FAM120A: variants seen among roughly 807,000 people sequenced by gnomAD.
FAM120A encodes the protein family with sequence similarity 120 member A, also known as constitutive coactivator of PPAR-gamma-like protein 1.
Under a neutral mutation model 109.7 loss-of-function variants are expected in FAM120A, and 15 were observed. The ratio of observed to expected loss-of-function variants is 0.14; its 90% CI spans 0.09 to 0.21. The LOEUF (loss-of-function observed/expected upper bound fraction) is 0.21. Among genes scored for constraint, FAM120A ranks in the 10% least tolerant of loss-of-function variants. The probability of loss-of-function intolerance (pLI) is 1.00; values close to 1 mark genes in which losing one functional copy is unlikely to be tolerated. For synonymous variants in FAM120A, 493 were observed against 572.8 expected (o/e 0.86, Z 1.99); for missense variants, 899 against 1,439.3 (o/e 0.62, Z 6.07).
chr9:93,562,339 T>C (rs764059739), intron 17 of FAM120A, 35 bp downstream of exon 17: 1 of 1,526,974 alleles, frequency 6.5e-7, no homozygotes, highest in South Asian at 1.1e-5. Context: ...GCCAGTTCAA[T>C]GCCCTCAGGG....
chr9:93,512,665 A>G (rs1297637836), intron 5 of FAM120A, among the ~76,000 whole-genome samples: 4 of 152,178 alleles, frequency 2.6e-5, no homozygotes, highest in Non-Finnish European at 5.9e-5. Flanking sequence ...TGTAGAGAGG[A>G]CACACAGTGG....
At position 93,516,287 on chromosome 9, in the gene FAM120A, C is replaced by T. The variant is rs756618195; in HGVS notation, c.1418+18C>T. ...GCGACAAAGTGAGTGGTGCGTGGGT[C>T]GCTGGGTGCTTCCTGGCGGGTAGTG... On this transcript the variant is annotated intron_variant, in intron 7 of 17. Transcript: ENST00000277165. The T allele has an allele frequency of 1.9e-5, 30 of 1,601,112 alleles. No homozygotes were observed. Among genetic ancestry groups the T allele is most frequent in the East Asian group, 4.5e-5 (2 of 44,660 alleles).
chr9:93,532,061 C>G lies in FAM120A; in HGVS notation c.1735-94C>G, dbSNP rs1861350736. 8.5e-7 allele frequency: 1 copy of G among 1,176,190 alleles called. No individual in the cohort carries two copies. Among genetic ancestry groups the G allele is most frequent in the African/African-American group, 1.5e-5 (1 of 65,382 alleles). 72.9% of individuals were successfully genotyped at this position (1,176,190 alleles called of 1,614,324 possible). A position where few individuals can be genotyped will look rare whatever the true frequency, so the allele number is the denominator to read the frequency against. ...TTGATTTGGAATGGAATTGCAATGT[C>G]ATTAACTGGAGATAATACAGTATAT... On this transcript the variant is annotated intron_variant, in intron 9 of 17. Coordinates refer to ENST00000277165, the MANE Select transcript of FAM120A (RefSeq NM_014612.5). This position sits in a 1 kb window ranked among gnomAD's most constrained non-coding sequence, Gnocchi z 4.3.
rs567431153 is a variant in FAM120A at position 93,558,615 on chromosome 9, G to A, written c.2703G>A (p.Thr901=). ...GCTTTGGAGGCCCCTATGGGGAAAC[G>A]GTAGCAACAGGCCCTTACCGTGCCT... is the stretch of plus-strand genomic sequence containing the variant. ...VCGFGGPYGE[T]VATGPYRAFR... is the part of the protein sequence containing the mutation. The change falls in exon 15 of 18, where the codon ACG becomes ACA. Residue 901 remains threonine, a synonymous_variant. Coordinates refer to ENST00000277165, the MANE Select transcript of FAM120A (RefSeq NM_014612.5). 1.2e-5 allele frequency: 19 copies of A among 1,614,198 alleles called. No homozygotes were observed. The highest frequency in any genetic ancestry group is 6.7e-5 in the African/African-American group (5 of 75,068).
At chr9:93,467,977 G>A (rs1858128027) in intron 1 of FAM120A, among the ~76,000 whole-genome samples, 1 of 151,960 alleles carries the variant, frequency 6.6e-6, no homozygotes. Context: ...TGCCTCCCAG[G>A]TTCAAGAGAT....
At chr9:93,554,386 G>A (rs1294506557) in intron 12 of FAM120A, among the ~76,000 whole-genome samples, 1 of 152,146 alleles carries the variant, frequency 6.6e-6, no homozygotes, top group Non-Finnish European at 1.5e-5. Flanking sequence ...AACACCTGCA[G>A]GGGCTGGATG....
chr9:93,543,501 G>C (rs761192634), intron 11 of FAM120A, 30 bp downstream of exon 11: 1 of 1,605,480 alleles, frequency 6.2e-7, no homozygotes, highest in Non-Finnish European at 8.5e-7. Flanking sequence ...GCTGGGACCT[G>C]GGTCCCCGCC....
intron 2 of FAM120A, among the ~76,000 whole-genome samples, chr9:93,472,556 T>G (rs533413043): frequency 6.6e-6 from 1 of 152,332 alleles, no homozygotes; most frequent in Admixed American, 6.5e-5. Context: ...TCTCTAGTGC[T>G]CAGTTACTGT....
chr9:93,533,712 T>C (rs1861416468), intron 10 of FAM120A, among the ~76,000 whole-genome samples: 1 of 152,178 alleles, frequency 6.6e-6, no homozygotes, highest in African/African-American at 2.4e-5. Context: ...GACCCCCTTT[T>C]TTCAGTTGTT....
At chr9:93,471,071 A>G (rs1564311838) in intron 1 of FAM120A, 70 bp from the exon 2 acceptor site, 1 of 1,548,682 alleles carries the variant, frequency 6.5e-7, no homozygotes. Context: ...CTGTGCAAAC[A>G]TTTCTGCTTA....
intron 12 of FAM120A, among the ~76,000 whole-genome samples, chr9:93,555,531 G>A (rs758736878): frequency 1.3e-5 from 2 of 152,112 alleles, no homozygotes; most frequent in Non-Finnish European, 2.9e-5. Flanking sequence ...CACCAAAGTC[G>A]GAAGACAAAA....
At chr9:93,523,389 T>C in intron 7 of FAM120A, 1 of 1,122,236 alleles carries the variant, frequency 8.9e-7, no homozygotes, top group East Asian at 5.9e-5. Context: ...GCTGAGGGAA[T>C]GACTTTAGTG....
chr9:93,535,448 A>G (rs1412502832), intron 10 of FAM120A, among the ~76,000 whole-genome samples: 1 of 152,238 alleles, frequency 6.6e-6, no homozygotes, highest in Admixed American at 6.5e-5. Flanking sequence ...TTGCCTAGAC[A>G]GTTAAGACCC....
rs986845223 is a variant in FAM120A at position 93,558,818 on chromosome 9, C to T, written c.2806+100C>T. The stretch of plus-strand genomic sequence containing the variant: ...CCTCTACTGTCCTCATGAGCCCCTC[C>T]TCCAGCAGAACGGCCTTTCTTCTGG... On this transcript the variant is annotated intron_variant, in intron 15 of 17. Transcript: ENST00000277165. 2.9e-6 allele frequency: 4 copies of T among 1,381,884 alleles called. No homozygotes were observed. The East Asian group carries it at 9.6e-5, about 33-fold the overall frequency. The allele number at this position is 1,381,884 out of a possible 1,614,324, so 85.6% of individuals were successfully genotyped here.
At position 93,554,206 on chromosome 9, in the gene FAM120A, G is replaced by A. The variant is rs565505079; in HGVS notation, c.2275-2176G>A. ...TAGCCTTGCTGCATTCTTCCTGTCA[G>A]CAAATTTGGAGATTAATAGTTTTAA... On this transcript the variant is annotated intron_variant, in intron 12 of 17. Transcript: ENST00000277165. 2.2e-5 allele frequency among the ~76,000 whole-genome samples: 3 copies of A among 134,588 alleles called. No individual in the cohort carries two copies. In the Admixed American group the frequency reaches 2.4e-4, roughly 11 times the overall value. 88.3% of individuals were successfully genotyped at this position (134,588 alleles called of 152,430 possible).
chr9:93,486,146 ATT>A (rs995752256), intron 3 of FAM120A, among the ~76,000 whole-genome samples: 1 of 145,110 alleles, frequency 6.9e-6, no homozygotes, highest in Non-Finnish European at 1.5e-5. Context: ...CTAATGTTTT[ATT>A]TTTTTTTTTA....
chr9:93,468,560 A>G (rs1192563612), intron 1 of FAM120A, among the ~76,000 whole-genome samples: 4 of 152,204 alleles, frequency 2.6e-5, no homozygotes, highest in African/African-American at 9.6e-5. Flanking sequence ...CACTCTGATT[A>G]CAACTATGTT....
intron 5 of FAM120A, among the ~76,000 whole-genome samples, chr9:93,511,353 A>G (rs1400763289): frequency 5.3e-5 from 8 of 152,108 alleles, no homozygotes; most frequent in Non-Finnish European, 7.4e-5. Flanking sequence ...AGCTGCTCCC[A>G]GGCTCTTAGC....
chr9:93,484,687 C>T (rs528470310), intron 3 of FAM120A, among the ~76,000 whole-genome samples: 2 of 152,304 alleles, frequency 1.3e-5, no homozygotes, highest in East Asian at 3.9e-4. Context: ...GATTCTCCTG[C>T]CTCAGCCTCC....
Sources: gnomAD v4.1 joint callset for allele counts (sites outside exome capture counted in the v4.1 genomes callset) on GRCh38, gnomAD v4.1.1 for gene constraint, Gnocchi (gnomAD v3.1) non-coding constraint, MANE v1.5 for transcripts, NCBI Gene and HGNC (gene_info 2026-07-23, HGNC 2026-07-21) for gene names.